EFNA1: variants seen among roughly 807,000 people sequenced by gnomAD.
EFNA1 encodes ephrin A1.
A neutral mutation model predicts 23.2 loss-of-function variants in EFNA1; 8 were observed. That is an observed-to-expected ratio of 0.34 (90% CI 0.20 to 0.62). The LOEUF is 0.62. Ranked by LOEUF, EFNA1 falls within the 20% of genes least tolerant of loss-of-function variation. The pLI, the probability that EFNA1 is intolerant of heterozygous loss-of-function variation, is 0.75. For synonymous variants in EFNA1, 89 were observed against 98.6 expected (o/e 0.90, Z 0.58); for missense variants, 217 against 260.0 (o/e 0.83, Z 1.14).
intron 2 of EFNA1, among the ~76,000 whole-genome samples, chr1:155,132,343 G>A (rs1164906203): frequency 6.6e-6 from 1 of 151,886 alleles, no homozygotes; most frequent in Non-Finnish European, 1.5e-5. Context: ...CTACCTCTCG[G>A]ATTCAAGCAA....
chr1:155,129,578 G>A (rs1664180479), intron 1 of EFNA1: 1 of 153,006 alleles, frequency 6.5e-6, no homozygotes, highest in African/African-American at 2.4e-5. Flanking sequence ...GGACTAAAGA[G>A]ACGCCAGTCC....
At chr1:155,131,679 T>TTACA in intron 2 of EFNA1, 45 bp downstream of exon 2, 1 of 1,583,208 alleles carries the variant, frequency 6.3e-7, no homozygotes, top group Non-Finnish European at 8.6e-7. Context: ...TTTTTTGCCA[T>TTACA]TACATACATG....
Position 155,134,043 on chromosome 1 carries a change from A to C in EFNA1, c.594A>C (p.Pro198=), listed in dbSNP as rs1167744622. The C allele has an allele frequency of 1.2e-6, 2 of 1,613,674 alleles. No homozygotes were observed. Among genetic ancestry groups the C allele is most frequent in the Non-Finnish European group, 1.7e-6 (2 of 1,179,942 alleles). The part of the protein sequence containing the change: ...FPLAWTVLLL[P]LLLLQTP ...TTGCCTGGACTGTGCTGCTCCTTCC[A>C]CTTCTGCTGCTGCAAACCCCGTGAA... The change falls in exon 5 of 5, where the codon CCA becomes CCC. Residue 198 remains proline, a synonymous_variant. Transcript: ENST00000368407.
chr1:155,128,997 C>A (rs1293605967), intron 1 of EFNA1, among the ~76,000 whole-genome samples: 2 of 152,138 alleles, frequency 1.3e-5, no homozygotes, highest in African/African-American at 4.8e-5. Flanking sequence ...TCGGCCCTAG[C>A]AAGCTTGCCC....
chr1:155,129,128 C>T (rs189170730), intron 1 of EFNA1, among the ~76,000 whole-genome samples: 2 of 152,194 alleles, frequency 1.3e-5, no homozygotes, highest in Non-Finnish European at 2.9e-5. Flanking sequence ...CTGCCAACCC[C>T]AGAGGGCAAT....
chr1:155,128,822 T>A (rs1390269771), intron 1 of EFNA1, among the ~76,000 whole-genome samples: 3 of 152,060 alleles, frequency 2.0e-5, no homozygotes, highest in Non-Finnish European at 2.9e-5. Flanking sequence ...GTGAGGCAAA[T>A]GGTACTGGGA....
In EFNA1 at chr1:155,133,588, G is replaced by A. The variant is rs1664289926; in HGVS notation, c.454+20G>A. ...AAATCAGTGAGTGTCAGAGCCCTGTGGGCCTCCTTCCTCCATCTCTATGCT... is the reference window on the plus strand; with the variant it reads ...AAATCAGTGAGTGTCAGAGCCCTGTAGGCCTCCTTCCTCCATCTCTATGCT... On this transcript the variant is annotated intron_variant, in intron 3 of 4. Coordinates refer to ENST00000368407, the MANE Select transcript of EFNA1 (RefSeq NM_004428.3). 6.2e-7 allele frequency: 1 copy of A among 1,613,712 alleles called. No homozygotes were observed. Among genetic ancestry groups the A allele is most frequent in the Non-Finnish European group, 8.5e-7 (1 of 1,179,814 alleles).
intron 4 of EFNA1, 40 bp downstream of exon 4, chr1:155,133,820 G>T: frequency 6.2e-7 from 1 of 1,612,878 alleles, no homozygotes. Flanking sequence ...GCACAGGAAG[G>T]GGTCTGCTTG....
intron 1 of EFNA1, chr1:155,130,989 T>C: frequency 1.0e-6 from 1 of 985,124 alleles, no homozygotes; most frequent in Non-Finnish European, 1.2e-6. Context: ...TTTGGGGAAA[T>C]ATTTATGGGT....
At position 155,127,953 on chromosome 1, in the gene EFNA1, G is replaced by C. The variant is rs568268799; in HGVS notation, c.-25G>C. 2 of 1,603,044 alleles carry C rather than the reference G, an allele frequency of 1.2e-6. No individual in the cohort carries two copies. The highest frequency in any genetic ancestry group is 1.1e-5 in the South Asian group (1 of 90,838). ...AGACCCATAGGAGACCCGCGTCCCC[G>C]CTCGGCCTGGCCAGGCCCCGCGCTA... On this transcript the variant is annotated 5_prime_UTR_variant, in exon 1 of 5. Transcript: ENST00000368407. The surrounding 1 kb of genome is among the most constrained non-coding windows in gnomAD (Gnocchi z 4.4).
At position 155,127,951 on chromosome 1, in the gene EFNA1, C is replaced by G; in HGVS notation, c.-27C>G. The G allele has an allele frequency of 1.2e-6, 2 of 1,602,018 alleles. No homozygotes were observed. ...CCAGACCCATAGGAGACCCGCGTCC[C>G]CGCTCGGCCTGGCCAGGCCCCGCGC... On this transcript the variant is annotated 5_prime_UTR_variant, in exon 1 of 5. Coordinates refer to ENST00000368407, the MANE Select transcript of EFNA1 (RefSeq NM_004428.3). This position sits in a 1 kb window ranked among gnomAD's most constrained non-coding sequence, Gnocchi z 4.4.
intron 1 of EFNA1, chr1:155,129,819 T>C (rs1664190592): frequency 6.6e-6 from 1 of 152,424 alleles, no homozygotes; most frequent in African/African-American, 2.4e-5. Flanking sequence ...GAGGACACTG[T>C]TGGGGGTGAG....
At chr1:155,132,287 C>T (rs963594412) in intron 2 of EFNA1, among the ~76,000 whole-genome samples, 13 of 152,050 alleles carry the variant, frequency 8.5e-5, no homozygotes, top group South Asian at 2.1e-4. Flanking sequence ...TCACTCTTGT[C>T]GCCCAGGCTG....
chr1:155,128,263 G>C (rs1664143105), intron 1 of EFNA1, among the ~76,000 whole-genome samples, 194 bp downstream of exon 1: 1 of 152,092 alleles, frequency 6.6e-6, no homozygotes, highest in Non-Finnish European at 1.5e-5. Context: ...GTGTCTACTT[G>C]CATGGGCTTA....
intron 1 of EFNA1, chr1:155,130,507 G>T: frequency 2.0e-6 from 2 of 983,100 alleles, no homozygotes; most frequent in Non-Finnish European, 2.4e-6. Context: ...AGAGAGGGGA[G>T]AGAGGGGAGA....
intron 1 of EFNA1, among the ~76,000 whole-genome samples, chr1:155,128,969 T>C (rs1472817871): frequency 6.6e-6 from 1 of 152,118 alleles, no homozygotes; most frequent in Non-Finnish European, 1.5e-5. Context: ...GAAAGCCATC[T>C]CACCGGCTTA....
intron 3 of EFNA1, 66 bp downstream of exon 3, chr1:155,133,634 G>T: frequency 6.2e-7 from 1 of 1,609,878 alleles, no homozygotes; most frequent in Non-Finnish European, 8.5e-7. Flanking sequence ...TAGTGATCTA[G>T]GATGGTATAG....
rs140257826 is a variant in EFNA1 at position 155,131,094 on chromosome 1, G to A, written c.93-245G>A. 157 of 1,315,556 alleles carry A rather than the reference G, an allele frequency of 1.2e-4. No individual in the cohort carries two copies. The African/African-American group carries it at 1.4e-3, about 12-fold the overall frequency. The allele number at this position is 1,315,556 out of a possible 1,614,324, so 81.5% of individuals were successfully genotyped here. ...GGTTATGGAAAATGCTTTGGTACCC[G>A]AAAGATACTGAGTGAATGCTATTTG... On this transcript the variant is annotated intron_variant, in intron 1 of 4. Transcript: ENST00000368407.
rs1438175020 is a variant in EFNA1 at position 155,134,672 on chromosome 1, G to C, written c.*605G>C. ...GCCAGCAGGGGGGCTGTGCCAACCT[G>C]TTCTTAGAGTGTAGCTGTAAGGGCA... On this transcript the variant is annotated 3_prime_UTR_variant, in exon 5 of 5. Coordinates refer to ENST00000368407, the MANE Select transcript of EFNA1 (RefSeq NM_004428.3). The C allele has an allele frequency of 5.9e-6, 1 of 170,092 alleles. No homozygotes were observed. The highest frequency in any genetic ancestry group is 1.6e-4 in the East Asian group (1 of 6,094). The allele number at this position is 170,092 out of a possible 1,614,324, so 10.5% of individuals were successfully genotyped here.
Sources: allele counts gnomAD v4.1 joint callset (sites outside exome capture counted in the v4.1 genomes callset), GRCh38; gene constraint gnomAD v4.1.1; non-coding constraint Gnocchi (gnomAD v3.1); transcripts MANE v1.5; gene names NCBI Gene and HGNC (gene_info 2026-07-23, HGNC 2026-07-21).